The following HERC4 variants were observed in gnomAD, a reference collection of about 807,000 sequenced individuals.
HERC4 encodes the protein HECT and RLD domain containing E3 ubiquitin protein ligase 4, also known as probable E3 ubiquitin-protein ligase HERC4.
In HERC4, 28 loss-of-function variants were observed where a neutral mutation model predicts 124.3. The observed-to-expected ratio is 0.23, with a 90% CI of 0.17 to 0.31. The LOEUF is 0.31. HERC4 is among the 10% of genes least tolerant of loss of function. The pLI is 1.00. For synonymous variants in HERC4, 407 were observed against 421.5 expected, an observed-to-expected ratio of 0.97 and a Z score of 0.42; for missense variants, 713 against 1,229.3, an observed-to-expected ratio of 0.58 and a Z score of 6.28.
rs1395287196 is a variant in HERC4 at position 67,936,197 on chromosome 10, C to T, written c.2610G>A (p.Glu870=). 6.2e-7 allele frequency: 1 copy of T among 1,602,806 alleles called. No homozygotes were observed. The highest frequency in any genetic ancestry group is 8.5e-7 in the Non-Finnish European group (1 of 1,176,056). The part of the protein sequence containing the change: ...VENFGATEVK[E]LVLNGADTAV... Reference sequence around the variant, plus strand: ...CTGTGTCTGCACCATTTAGAACCAGCTCTTTCACTTCTGTTGCACCAAAGT... The same window carrying T: ...CTGTGTCTGCACCATTTAGAACCAGTTCTTTCACTTCTGTTGCACCAAAGT... The change falls in exon 22 of 25, where the codon GAG becomes GAA. Residue 870 remains glutamate, a synonymous_variant. Coordinates refer to ENST00000373700, the MANE Select transcript of HERC4 (RefSeq NM_015601.4).
intron 3 of HERC4, among the ~76,000 whole-genome samples, chr10:68,051,400 A>G (rs2040295519): frequency 6.9e-6 from 1 of 144,016 alleles, no homozygotes; most frequent in African/African-American, 2.6e-5. Flanking sequence ...GCTGGAGTGC[A>G]GTGGCACGAT....
At chr10:68,065,645 C>G (rs754334922) in intron 3 of HERC4, among the ~76,000 whole-genome samples, 1 of 151,970 alleles carries the variant, frequency 6.6e-6, no homozygotes, top group Non-Finnish European at 1.5e-5. Flanking sequence ...GTCTGAGGTG[C>G]GAGGATCACT....
intron 4 of HERC4, among the ~76,000 whole-genome samples, chr10:68,042,508 A>G (rs748885603): frequency 1.2e-4 from 18 of 152,198 alleles, no homozygotes; most frequent in Admixed American, 2.6e-4. Context: ...CTATAGTCGC[A>G]CCTACTAGGG....
chr10:68,053,462 C>T (rs2040412590), intron 3 of HERC4, among the ~76,000 whole-genome samples: 1 of 151,872 alleles, frequency 6.6e-6, no homozygotes, highest in African/African-American at 2.4e-5. Context: ...AGCTACCACA[C>T]CCCATTAATT....
chr10:67,937,554 A>T (rs1325514494), intron 21 of HERC4, among the ~76,000 whole-genome samples: 2 of 152,220 alleles, frequency 1.3e-5, no homozygotes, highest in Non-Finnish European at 2.9e-5. Flanking sequence ...ATCAAATAAA[A>T]AAGAACCAAA....
intron 14 of HERC4, among the ~76,000 whole-genome samples, chr10:67,989,677 T>C (rs193170358): frequency 5.3e-5 from 8 of 151,730 alleles, no homozygotes; most frequent in South Asian, 2.1e-4. Context: ...TCTAGACAAT[T>C]AGAAAAATTA....
chr10:67,976,136 G>A (rs1174615344), intron 15 of HERC4, among the ~76,000 whole-genome samples: 1 of 151,726 alleles, frequency 6.6e-6, no homozygotes, highest in Non-Finnish European at 1.5e-5. Context: ...AAAACTGTAT[G>A]GCTCACAAAG....
intron 6 of HERC4, 105 bp downstream of exon 6, chr10:68,033,860 T>C (rs1564572710): frequency 1.1e-6 from 1 of 899,448 alleles, no homozygotes; most frequent in Non-Finnish European, 1.7e-6. Flanking sequence ...CCCACCTCTA[T>C]ACCAGGGAAG....
At chr10:67,927,025 G>A (rs187135539) in intron 23 of HERC4, among the ~76,000 whole-genome samples, 43 of 152,108 alleles carry the variant, frequency 2.8e-4, no homozygotes, top group African/African-American at 8.0e-4. Context: ...TTGAATTTTG[G>A]ACTTTCCTTA....
chr10:67,952,759 G>A (rs2033885229), intron 19 of HERC4, among the ~76,000 whole-genome samples: 1 of 151,814 alleles, frequency 6.6e-6, no homozygotes, highest in African/African-American at 2.4e-5. Flanking sequence ...AATTAGCCGG[G>A]CATGGTGGCA....
intron 4 of HERC4, among the ~76,000 whole-genome samples, chr10:68,042,569 G>A (rs1449873983): frequency 6.6e-6 from 1 of 152,196 alleles, no homozygotes; most frequent in Non-Finnish European, 1.5e-5. Flanking sequence ...GCTGCAGTGA[G>A]CTGTGAGCAT....
Position 68,072,870 on chromosome 10 carries a change from C to A in HERC4, c.226+13G>T. ...TATTAAAAATAGCAAATTTTAAAAA[C>A]ATTTCAACTTACCTGGTTTCTTTCT... is the stretch of plus-strand genomic sequence containing the variant. On this transcript the variant is annotated intron_variant, in intron 3 of 24. Transcript: ENST00000373700. The A allele has an allele frequency of 6.6e-7, 1 of 1,525,990 alleles. No homozygotes were observed. Among genetic ancestry groups the A allele is most frequent in the Non-Finnish European group, 8.8e-7 (1 of 1,133,338 alleles). The allele number at this position is 1,525,990 out of a possible 1,614,324, so 94.5% of individuals were successfully genotyped here.
At chr10:67,947,873 C>T (rs1339463578) in intron 19 of HERC4, among the ~76,000 whole-genome samples, 3 of 105,456 alleles carry the variant, frequency 2.8e-5, no homozygotes, top group African/African-American at 3.9e-5. Context: ...GTATTTTTAG[C>T]AGAGACGGGG....
chr10:68,034,935 G>A (rs1332132990), intron 5 of HERC4, among the ~76,000 whole-genome samples: 1 of 151,004 alleles, frequency 6.6e-6, no homozygotes, highest in African/African-American at 2.4e-5. Context: ...CATCTTAACT[G>A]ATTCCTATAA....
In HERC4 at chr10:68,064,217, C is replaced by T. The variant is rs975953585; in HGVS notation, c.226+8666G>A. Among the ~76,000 whole-genome samples the T allele has an allele frequency of 3.3e-4, 50 of 151,850 alleles. 2 individuals are homozygous for T. Among genetic ancestry groups the T allele is most frequent in the Admixed American group, 6.6e-5 (1 of 15,226 alleles). The stretch of plus-strand genomic sequence containing the variant: ...TCATGCCACTGCACTCCAGCCTGGG[C>T]GACAGAACAAAACCCTGTCCCCAAA... On this transcript the variant is annotated intron_variant, in intron 3 of 24. Transcript: ENST00000373700.
chr10:67,933,077 T>G (rs1319657131), intron 22 of HERC4, among the ~76,000 whole-genome samples: 2 of 152,164 alleles, frequency 1.3e-5, no homozygotes, highest in Non-Finnish European at 2.9e-5. Flanking sequence ...GAAAATAATT[T>G]TAAAATATTT....
chr10:68,001,815 T>C (rs2037250148), intron 9 of HERC4, among the ~76,000 whole-genome samples: 2 of 152,206 alleles, frequency 1.3e-5, no homozygotes, highest in South Asian at 4.1e-4. Flanking sequence ...ATATGATATT[T>C]GTCCTTTTGT....
At chr10:67,949,425 T>C (rs2033633437) in intron 19 of HERC4, among the ~76,000 whole-genome samples, 1 of 152,170 alleles carries the variant, frequency 6.6e-6, no homozygotes, top group African/African-American at 2.4e-5. Flanking sequence ...ATTTCCTAAA[T>C]CATTCTATGA....
chr10:67,940,890 T>G, intron 20 of HERC4, 49 bp downstream of exon 20: 1 of 1,507,326 alleles, frequency 6.6e-7, no homozygotes, highest in Non-Finnish European at 8.9e-7. Flanking sequence ...CCTTCCCCAC[T>G]TTTTACCTCC....
Sources: gnomAD v4.1 joint callset for allele counts (sites outside exome capture counted in the v4.1 genomes callset) on GRCh38, gnomAD v4.1.1 for gene constraint, MANE v1.5 for transcripts, NCBI Gene and HGNC (gene_info 2026-07-23, HGNC 2026-07-21) for gene names.